Variants in LEPR observed in about 807,000 individuals in gnomAD.
LEPR encodes the protein leptin receptor, also known as OB receptor.
A neutral mutation model predicts 114.7 loss-of-function variants in LEPR; 56 were observed. The ratio of observed to expected loss-of-function variants is 0.49; its 90% CI spans 0.39 to 0.61. LEPR has a LOEUF of 0.61. LEPR is among the 20% of genes least tolerant of loss of function. The pLI, the probability that LEPR is intolerant of heterozygous loss-of-function variation, is 0.00. For missense variants in LEPR, 1,202 were observed against 1,352.9 expected, an observed-to-expected ratio of 0.89 and a Z score of 1.75; for synonymous variants, 443 against 461.4, an observed-to-expected ratio of 0.96 and a Z score of 0.51.
intron 4 of LEPR, 55 bp downstream of exon 4, chr1:65,570,857 A>G (rs1224951401): frequency 4.3e-6 from 6 of 1,408,224 alleles, no homozygotes; most frequent in African/African-American, 2.9e-5. Flanking sequence ...ATTCTTTGAT[A>G]CCTGTATGAA....
chr1:65,596,643 C>A (rs755535126), intron 7 of LEPR, 50 bp downstream of exon 7: 23 of 1,534,966 alleles, frequency 1.5e-5, no homozygotes, highest in Admixed American at 5.1e-5. Context: ...TAAATAAAGA[C>A]CCTCTTAAGT....
intron 2 of LEPR, among the ~76,000 whole-genome samples, chr1:65,455,758 A>C (rs939854987): frequency 2.6e-5 from 4 of 152,198 alleles, no homozygotes; most frequent in South Asian, 2.1e-4. Context: ...CTGCCCCCAG[A>C]GGTGGAGCCT....
chr1:65,469,989 G>A (rs143745267), intron 2 of LEPR, among the ~76,000 whole-genome samples: 13 of 152,268 alleles, frequency 8.5e-5, no homozygotes, highest in African/African-American at 2.6e-4. Context: ...CTTCTAAAGC[G>A]TGGCATACAG....
At chr1:65,542,315 C>T (rs948211929) in intron 2 of LEPR, among the ~76,000 whole-genome samples, 4 of 151,394 alleles carry the variant, frequency 2.6e-5, no homozygotes, top group Admixed American at 6.6e-5. Flanking sequence ...TCTTTTTAAA[C>T]GTGAGAATAA....
At chr1:65,569,309 A>G (rs1653988205) in intron 3 of LEPR, among the ~76,000 whole-genome samples, 1 of 152,212 alleles carries the variant, frequency 6.6e-6, no homozygotes, top group African/African-American at 2.4e-5. Flanking sequence ...CAGAATTCGT[A>G]TTCTGCATTA....
At chr1:65,421,501 A>G (rs1646250496) in intron 1 of LEPR, 16 of 1,535,392 alleles carry the variant, frequency 1.0e-5, no homozygotes, top group Non-Finnish European at 1.4e-5. Flanking sequence ...ATAGAGTAGC[A>G]TGACTTGTTT....
chr1:65,435,815 T>A, intron 2 of LEPR: 1 of 983,086 alleles, frequency 1.0e-6, no homozygotes, highest in Non-Finnish European at 1.2e-6. Context: ...TAGTTGTGCA[T>A]TTTAATTTAA....
chr1:65,550,860 A>T (rs1276304318), intron 2 of LEPR, among the ~76,000 whole-genome samples: 1 of 152,056 alleles, frequency 6.6e-6, no homozygotes, highest in African/African-American at 2.4e-5. Flanking sequence ...CCCTAGTGAG[A>T]TGAACCCGGT....
intron 2 of LEPR, among the ~76,000 whole-genome samples, chr1:65,519,940 T>C (rs1238054547): frequency 2.0e-5 from 3 of 152,128 alleles, no homozygotes; most frequent in Non-Finnish European, 4.4e-5. Flanking sequence ...CTCAGCTCAC[T>C]GCAACCTCCA....
At chr1:65,467,544 T>G (rs1647030431) in intron 2 of LEPR, among the ~76,000 whole-genome samples, 1 of 152,176 alleles carries the variant, frequency 6.6e-6, no homozygotes. Flanking sequence ...AACACAATGC[T>G]GACAGAACCA....
intron 14 of LEPR, among the ~76,000 whole-genome samples, chr1:65,610,889 A>G (rs991395726): frequency 1.3e-5 from 2 of 152,242 alleles, no homozygotes; most frequent in Admixed American, 1.3e-4. Flanking sequence ...ATGAAGTCAA[A>G]GAGTATTTCT....
At chr1:65,540,046 C>T (rs748141720) in intron 2 of LEPR, among the ~76,000 whole-genome samples, 1 of 152,112 alleles carries the variant, frequency 6.6e-6, no homozygotes, top group South Asian at 2.1e-4. Context: ...GTTTGTTAGT[C>T]ACTCTCCTGA....
intron 2 of LEPR, among the ~76,000 whole-genome samples, chr1:65,556,291 C>G (rs768059777): frequency 1.3e-5 from 2 of 152,048 alleles, no homozygotes; most frequent in Non-Finnish European, 2.9e-5. Flanking sequence ...CCACTGAGTT[C>G]GTGGTATTTT....
intron 2 of LEPR, among the ~76,000 whole-genome samples, chr1:65,486,788 C>A (rs562686636): frequency 9.7e-4 from 148 of 152,280 alleles, no homozygotes; most frequent in Non-Finnish European, 1.4e-3. Context: ...AGACACGTGA[C>A]CTCAGGGAGA....
In LEPR at chr1:65,626,593, A is replaced by G. The variant is rs112209051; in HGVS notation, c.2673+3612A>G. On this transcript the variant is annotated intron_variant, in intron 19 of 19. Transcript: ENST00000349533. ...TAATGATAAAAATCTTCTAAAATTC[A>G]TTAACTTTTTTCTCTTTAGCCTGTT... 1.6e-3 allele frequency among the ~76,000 whole-genome samples: 224 copies of G among 143,096 alleles called. 4 individuals carry two copies. Among genetic ancestry groups the G allele is most frequent in the African/African-American group, 5.4e-3 (203 of 37,546 alleles). The allele number at this position is 143,096 out of a possible 152,430, so 93.9% of individuals were successfully genotyped here.
At chr1:65,547,194 C>T (rs892226840) in intron 2 of LEPR, among the ~76,000 whole-genome samples, 1 of 151,920 alleles carries the variant, frequency 6.6e-6, no homozygotes, top group African/African-American at 2.4e-5. Flanking sequence ...TGATGTGCTG[C>T]TGGATTCGGT....
Position 65,571,756 on chromosome 1 carries a change from C to A in LEPR, c.371-570C>A, listed in dbSNP as rs546517646. Among the ~76,000 whole-genome samples, 8 of 132,624 alleles carry A rather than the reference C, an allele frequency of 6.0e-5. No individual in the cohort carries two copies. In the South Asian group the frequency reaches 1.9e-3, roughly 31 times the overall value. 87.0% of individuals were successfully genotyped at this position (132,624 alleles called of 152,430 possible). On this transcript the variant is annotated intron_variant, in intron 4 of 19. Coordinates refer to ENST00000349533, the MANE Select transcript of LEPR (RefSeq NM_002303.6). Reference sequence around the variant, plus strand: ...ATCACTTGAGCTCAGGAGTTAGAGACCAGCCTGGGCAACATAATGAAACCC... The same window carrying A: ...ATCACTTGAGCTCAGGAGTTAGAGAACAGCCTGGGCAACATAATGAAACCC...
intron 2 of LEPR, among the ~76,000 whole-genome samples, chr1:65,488,577 C>T (rs943484158): frequency 2.0e-5 from 3 of 151,732 alleles, no homozygotes; most frequent in Non-Finnish European, 2.9e-5. Context: ...GGTCTGCTTG[C>T]CTCAGCCTCC....
At chr1:65,442,966 G>A (rs1320873997) in intron 2 of LEPR, among the ~76,000 whole-genome samples, 1 of 152,070 alleles carries the variant, frequency 6.6e-6, no homozygotes, top group Admixed American at 6.5e-5. Flanking sequence ...CCTATCTTGA[G>A]GACCTCATAT....
Sources: allele counts gnomAD v4.1 joint callset (sites outside exome capture counted in the v4.1 genomes callset), GRCh38; gene constraint gnomAD v4.1.1; transcripts MANE v1.5; gene names NCBI Gene and HGNC (gene_info 2026-07-23, HGNC 2026-07-21).